ADAMTS20: variants seen among roughly 807,000 people sequenced by gnomAD.
The protein encoded by ADAMTS20 is A disintegrin and metalloproteinase with thrombospondin motifs 20.
A neutral mutation model predicts 260.1 loss-of-function variants in ADAMTS20; 225 were observed. The ratio of observed to expected loss-of-function variants is 0.87; its 90% CI spans 0.78 to 0.97. The LOEUF is 0.97. Among genes scored for constraint, ADAMTS20 ranks in the 50% least tolerant of loss-of-function variants. The probability of loss-of-function intolerance (pLI) is 0.00; values close to 1 mark genes in which losing one functional copy is unlikely to be tolerated. For synonymous variants in ADAMTS20, 802 were observed against 769.5 expected (o/e 1.04, Z -0.70); for missense variants, 2,400 against 2,337.7 (o/e 1.03, Z -0.55).
At chr12:43,499,275 C>G (rs1308169376) in intron 4 of ADAMTS20, among the ~76,000 whole-genome samples, 1 of 152,092 alleles carries the variant, frequency 6.6e-6, no homozygotes, top group Non-Finnish European at 1.5e-5. Flanking sequence ...CAACAGAAAC[C>G]TGCTCTCTTT....
intron 14 of ADAMTS20, 73 bp from the exon 15 acceptor site, chr12:43,446,785 T>A: frequency 8.4e-7 from 1 of 1,196,736 alleles, no homozygotes; most frequent in Non-Finnish European, 1.2e-6. Flanking sequence ...TCCAAATACA[T>A]ACAATCAGAT....
rs138071907 is a variant in ADAMTS20, at chr12:43,536,710, A to G, written c.454-4515T>C. ...CTTGGCAGGTAAAGTGACAGAGAGA[A>G]CAGTGAGGCTGCAGCTGTGCCAGCT... On this transcript the variant is annotated intron_variant, in intron 2 of 38. Coordinates refer to ENST00000389420, the MANE Select transcript of ADAMTS20 (RefSeq NM_025003.5). Among the ~76,000 whole-genome samples, 53 of 152,364 alleles carry G rather than the reference A, an allele frequency of 3.5e-4. No individual in the cohort carries two copies. The East Asian group carries it at 7.5e-3, about 22-fold the overall frequency.
At chr12:43,545,493 C>T (rs1470924806) in intron 2 of ADAMTS20, among the ~76,000 whole-genome samples, 1 of 152,196 alleles carries the variant, frequency 6.6e-6, no homozygotes, top group Non-Finnish European at 1.5e-5. Context: ...CTCTTAATCA[C>T]TCCTTCCTTA....
intron 3 of ADAMTS20, among the ~76,000 whole-genome samples, chr12:43,505,216 A>G (rs1182429306): frequency 2.6e-5 from 4 of 152,180 alleles, no homozygotes. Context: ...GTGTTTCATA[A>G]CATTGGATTT....
At chr12:43,499,096 A>G (rs1942718449) in intron 4 of ADAMTS20, among the ~76,000 whole-genome samples, 2 of 152,166 alleles carry the variant, frequency 1.3e-5, no homozygotes, top group Non-Finnish European at 2.9e-5. Context: ...AAGAAAGCAT[A>G]TACAAAAACT....
chr12:43,501,205 T>C (rs909158475), intron 4 of ADAMTS20, among the ~76,000 whole-genome samples: 2 of 151,652 alleles, frequency 1.3e-5, no homozygotes, highest in African/African-American at 4.8e-5. Context: ...ATTATAGGCA[T>C]TCACCACCAC....
chr12:43,543,370 C>T (rs1943402102), intron 2 of ADAMTS20, among the ~76,000 whole-genome samples: 1 of 152,124 alleles, frequency 6.6e-6, no homozygotes, highest in African/African-American at 2.4e-5. Flanking sequence ...TAGTGAGTCT[C>T]CACAATTCCT....
intron 9 of ADAMTS20, 109 bp downstream of exon 9, chr12:43,466,543 T>C (rs1172542652): frequency 1.9e-6 from 2 of 1,028,492 alleles, no homozygotes; most frequent in Non-Finnish European, 2.8e-6. Flanking sequence ...AAAGTAAACA[T>C]AAATTTAAAC....
intron 37 of ADAMTS20, among the ~76,000 whole-genome samples, chr12:43,362,341 G>A (rs1939888048): frequency 6.6e-6 from 1 of 152,152 alleles, no homozygotes; most frequent in Admixed American, 6.5e-5. Flanking sequence ...GGACAGTCCT[G>A]GGAAGGCAAC....
Position 43,438,942 on chromosome 12 carries a change from C to A in ADAMTS20, c.2593+680G>T, listed in dbSNP as rs144206276. 1.5e-3 allele frequency among the ~76,000 whole-genome samples: 231 copies of A among 152,268 alleles called. 1 individual carries two copies. The highest frequency in any genetic ancestry group is 4.7e-3 in the African/African-American group (196 of 41,546). On this transcript the variant is annotated intron_variant, in intron 18 of 38. Coordinates refer to ENST00000389420, the MANE Select transcript of ADAMTS20 (RefSeq NM_025003.5). ...AACATATATATTCATGCATCTGTTTCAAGCACTAAAATAAAACATGAATTC... is the reference window on the plus strand; with the variant it reads ...AACATATATATTCATGCATCTGTTTAAAGCACTAAAATAAAACATGAATTC...
Position 43,376,653 on chromosome 12 carries a change from A to T in ADAMTS20, c.4996T>A (p.Cys1666Ser), listed in dbSNP as rs972814788. ...ATWKVGKWSK[C>S]SVTCGIGIMK... ...ATCCCAATTCCACAAGTCACTGAGCACTGTGAAAAGAGTAAAATTTGAAGG... is the reference window on the plus strand; with the variant it reads ...ATCCCAATTCCACAAGTCACTGAGCTCTGTGAAAAGAGTAAAATTTGAAGG... The change falls in exon 33 of 39, where the codon TGC becomes AGC. Residue 1666 changes from cysteine (C) to serine (S), a missense_variant and splice_region_variant. Coordinates refer to ENST00000389420, the MANE Select transcript of ADAMTS20 (RefSeq NM_025003.5). 1 of 1,603,568 alleles carries T rather than the reference A, an allele frequency of 6.2e-7. No individual in the cohort carries two copies. The highest frequency in any genetic ancestry group is 8.5e-7 in the Non-Finnish European group (1 of 1,177,172).
intron 38 of ADAMTS20, 39 bp from the exon 39 acceptor site, chr12:43,354,337 A>C: frequency 6.9e-7 from 1 of 1,449,800 alleles, no homozygotes; most frequent in Non-Finnish European, 9.5e-7. Flanking sequence ...AATCTTATAC[A>C]AGCTGGTATC....
Position 43,376,530 on chromosome 12 carries a change from T to C in ADAMTS20, c.5119A>G (p.Asn1707Asp). Residue 1707 changes from asparagine to aspartate, a missense_variant, in exon 33 of 39, where the codon AAT (asparagine) becomes GAT (aspartate). Transcript: ENST00000389420. ...TTTGAAGTCTACTACTTACAGTCAT[T>C]GGCATAACATTTCTTTTGAGCACCT... ...KPGAQKKCYA[N>D]DCKSFTTCKE... The C allele has an allele frequency of 1.2e-6, 2 of 1,611,734 alleles. No homozygotes were observed. Among genetic ancestry groups the C allele is most frequent in the Non-Finnish European group, 1.7e-6 (2 of 1,179,324 alleles).
chr12:43,457,392 T>C (rs905883928), intron 11 of ADAMTS20, among the ~76,000 whole-genome samples: 1 of 152,206 alleles, frequency 6.6e-6, no homozygotes, highest in African/African-American at 2.4e-5. Context: ...TGTTGGAATG[T>C]CTCTCCAGGC....
intron 26 of ADAMTS20, 68 bp downstream of exon 26, chr12:43,428,173 C>T: frequency 6.7e-7 from 1 of 1,484,914 alleles, no homozygotes; most frequent in African/African-American, 1.4e-5. Context: ...GCATCATATA[C>T]ATACCTGTTA....
chr12:43,450,746 AC>A (rs1565554535), intron 14 of ADAMTS20, among the ~76,000 whole-genome samples: 3 of 152,124 alleles, frequency 2.0e-5, no homozygotes, highest in Non-Finnish European at 4.4e-5. Flanking sequence ...TTATTTTCAA[AC>A]TGACAGATAA....
intron 4 of ADAMTS20, among the ~76,000 whole-genome samples, chr12:43,495,013 G>C (rs892213651): frequency 1.3e-5 from 2 of 152,132 alleles, no homozygotes; most frequent in Non-Finnish European, 2.9e-5. Context: ...TGCACTATGA[G>C]GTGTCTACAT....
chr12:43,450,456 C>T (rs1941844554), intron 14 of ADAMTS20, among the ~76,000 whole-genome samples: 1 of 152,140 alleles, frequency 6.6e-6, no homozygotes, highest in African/African-American at 2.4e-5. Context: ...TAATCTTCAT[C>T]ATAACTTTTG....
At chr12:43,375,915 A>G (rs7972295) in intron 35 of ADAMTS20, 142 bp downstream of exon 35, 466,462 of 640,838 alleles carry the variant, frequency 0.73, 173,573 homozygotes, top group East Asian at 1. Context: ...AACAACATCT[A>G]GTTTAGGTCC....
Sources: gnomAD v4.1 joint callset for allele counts (sites outside exome capture counted in the v4.1 genomes callset) on GRCh38, gnomAD v4.1.1 for gene constraint, MANE v1.5 for transcripts, NCBI Gene and HGNC (gene_info 2026-07-23, HGNC 2026-07-21) for gene names.